Variants in ZMYM2 observed in about 807,000 individuals in gnomAD.
ZMYM2 encodes zinc finger MYM-type containing 2, also known as zinc finger MYM-type protein 2.
In ZMYM2, 56 loss-of-function variants were observed where a neutral mutation model predicts 162.8. That is an observed-to-expected ratio of 0.34 (90% CI 0.28 to 0.43). The LOEUF (loss-of-function observed/expected upper bound fraction) is 0.43. Among genes scored for constraint, ZMYM2 ranks in the 20% least tolerant of loss-of-function variants. The probability of loss-of-function intolerance (pLI) is 1.00; values close to 1 mark genes in which losing one functional copy is unlikely to be tolerated. For synonymous variants in ZMYM2, 510 were observed against 541.6 expected (o/e 0.94, Z 0.81); for missense variants, 1,275 against 1,621.8 (o/e 0.79, Z 3.67).
chr13:19,959,889 A>C (rs1458878507), intron 1 of ZMYM2, 69 bp from the exon 2 acceptor site: 1 of 152,278 alleles, frequency 6.6e-6, no homozygotes, highest in Admixed American at 6.5e-5. Flanking sequence ...TCCTTCTGGC[A>C]GAAAGGGTTG....
intron 2 of ZMYM2, among the ~76,000 whole-genome samples, chr13:19,963,722 GT>G (rs1955489062): frequency 3.3e-5 from 5 of 152,190 alleles, no homozygotes; most frequent in African/African-American, 4.8e-5. Context: ...CATATCTGTT[GT>G]TTTTGTGCAT....
chr13:20,013,296 A>G (rs1308136193), intron 6 of ZMYM2, among the ~76,000 whole-genome samples: 1 of 152,152 alleles, frequency 6.6e-6, no homozygotes, highest in East Asian at 1.9e-4. Flanking sequence ...ATTTTTGTAC[A>G]TTGATCATGT....
At chr13:20,085,754 TGAAAAAA>T in intron 24 of ZMYM2, 61 bp from the exon 25 acceptor site, 1 of 1,473,994 alleles carries the variant, frequency 6.8e-7, no homozygotes, top group East Asian at 2.3e-5. Context: ...GAATTATTCT[TGAAAAAA>T]GAAAAAGTTG....
chr13:19,920,029 G>A, the ZMYM2 span, among the ~76,000 whole-genome samples: 8 of 152,198 alleles, frequency 5.3e-5, no homozygotes, highest in African/African-American at 1.2e-4. Context: ...GTCTGGTCTC[G>A]AACTCCTGGG....
At chr13:20,042,946 A>G (rs567824723) in intron 12 of ZMYM2, among the ~76,000 whole-genome samples, 3 of 151,814 alleles carry the variant, frequency 2.0e-5, no homozygotes, top group Admixed American at 6.6e-5. Context: ...CTGGTCTCGA[A>G]CTCCTGACCT....
At chr13:20,067,111 C>T in intron 20 of ZMYM2, 92 bp downstream of exon 20, 2 of 1,390,372 alleles carry the variant, frequency 1.4e-6, no homozygotes, top group South Asian at 1.6e-5. Context: ...ATAAATGTAA[C>T]TTAAAATACC....
chr13:19,975,880 G>GTATGTATGTA, intron 2 of ZMYM2, among the ~76,000 whole-genome samples: 1 of 151,678 alleles, frequency 6.6e-6, no homozygotes, highest in Non-Finnish European at 1.5e-5. Context: ...ATGTATGTAT[G>GTATGTATGTA]TATGTATGTA....
the ZMYM2 span, among the ~76,000 whole-genome samples, chr13:19,938,826 A>G: frequency 1.3e-5 from 2 of 151,764 alleles, no homozygotes; most frequent in African/African-American, 2.4e-5. Flanking sequence ...GAGTAACCTG[A>G]TGTTAATCAA....
At chr13:19,944,336 A>G in the ZMYM2 span, among the ~76,000 whole-genome samples, 1 of 152,162 alleles carries the variant, frequency 6.6e-6, no homozygotes, top group East Asian at 1.9e-4. Context: ...TAATGAAACG[A>G]CTGAGGGTCA....
At chr13:19,983,238 A>G (rs1293482100) in intron 2 of ZMYM2, among the ~76,000 whole-genome samples, 7 of 150,140 alleles carry the variant, frequency 4.7e-5, no homozygotes, top group Non-Finnish European at 7.4e-5. Flanking sequence ...TTTGCCTCCC[A>G]CATTCAAGCA....
chr13:19,970,703 C>G (rs946866823), intron 2 of ZMYM2, among the ~76,000 whole-genome samples: 1 of 150,856 alleles, frequency 6.6e-6, no homozygotes, highest in African/African-American at 2.4e-5. Context: ...TTATTAAGTT[C>G]AAGGTTATAG....
the ZMYM2 span, among the ~76,000 whole-genome samples, chr13:19,925,238 C>T: frequency 3.7e-4 from 56 of 152,286 alleles, 1 homozygote; most frequent in Non-Finnish European, 3.2e-4. Context: ...TTTATATTCC[C>T]ACCAACAGTG....
rs1956198641 is a variant in ZMYM2 at position 20,061,157 on chromosome 13, A to T, written c.2844A>T (p.Thr948=). ...AGGTTTCTTCAGATGCTCTTGATAC[A>T]GAGTTGCTTACAATGACGGATATGA... The part of the protein sequence containing the change: ...KSKVSSDALD[T]ELLTMTDMMS... The change falls in exon 17 of 25, where the codon ACA becomes ACT. Residue 948 remains threonine, a synonymous_variant. Transcript: ENST00000610343. The T allele has an allele frequency of 6.2e-7, 1 of 1,613,676 alleles. No homozygotes were observed. Among genetic ancestry groups the T allele is most frequent in the South Asian group, 1.1e-5 (1 of 90,976 alleles).
chr13:19,949,100 T>TCA, the ZMYM2 span, among the ~76,000 whole-genome samples: 22 of 34,046 alleles, frequency 6.5e-4, no homozygotes, highest in Admixed American at 2.9e-3. Context: ...AACCTTATCT[T>TCA]CACAAAAAAA....
intron 2 of ZMYM2, among the ~76,000 whole-genome samples, chr13:19,976,975 G>A (rs1183219143): frequency 1.3e-5 from 2 of 152,152 alleles, no homozygotes; most frequent in African/African-American, 2.4e-5. Flanking sequence ...GTATCTGTAT[G>A]TTTAGAACTG....
At chr13:20,031,293 T>G in intron 9 of ZMYM2, 26 bp from the exon 10 acceptor site, 3 of 1,497,202 alleles carry the variant, frequency 2.0e-6, no homozygotes, top group Non-Finnish European at 2.8e-6. Context: ...CATGTCAGGC[T>G]TAGTATCTTT....
chr13:19,887,679 CTTTA>C, the ZMYM2 span, among the ~76,000 whole-genome samples: 2 of 151,770 alleles, frequency 1.3e-5, no homozygotes, highest in South Asian at 2.1e-4. Context: ...ACATTTTTCT[CTTTA>C]TTTAAGTTAT....
At chr13:19,907,913 T>G in the ZMYM2 span, among the ~76,000 whole-genome samples, 97,591 of 151,974 alleles carry the variant, frequency 0.64, 35,008 homozygotes, top group East Asian at 0.88. Context: ...TTGCATTTGC[T>G]TGTTTCATGG....
chr13:20,081,670 CTTTTA>C (rs1566476449), intron 21 of ZMYM2, among the ~76,000 whole-genome samples: 5 of 151,854 alleles, frequency 3.3e-5, no homozygotes, highest in African/African-American at 9.7e-5. Flanking sequence ...GAAAAAAACA[CTTTTA>C]TTTTAAAATT....
Sources: allele counts gnomAD v4.1 joint callset (sites outside exome capture counted in the v4.1 genomes callset), GRCh38; gene constraint gnomAD v4.1.1; transcripts MANE v1.5; gene names NCBI Gene and HGNC (gene_info 2026-07-23, HGNC 2026-07-21).